Variants in ERC2 observed in about 807,000 individuals in gnomAD.
ERC2 encodes ELKS/RAB6-interacting/CAST family member 2, also known as ERC protein 2.
A neutral mutation model predicts 114.8 loss-of-function variants in ERC2; 42 were observed. The ratio of observed to expected loss-of-function variants is 0.37; its 90% CI spans 0.29 to 0.47. The LOEUF (loss-of-function observed/expected upper bound fraction) is 0.47. Ranked by LOEUF, ERC2 falls within the 20% of genes least tolerant of loss-of-function variation. The probability of loss-of-function intolerance (pLI) is 0.99; values close to 1 mark genes in which losing one functional copy is unlikely to be tolerated. For synonymous variants in ERC2, 454 were observed against 425.5 expected, an observed-to-expected ratio of 1.07 and a Z score of -0.82; for missense variants, 939 against 1,150.7, an observed-to-expected ratio of 0.82 and a Z score of 2.66.
chr3:55,852,984 C>T (rs948384665), intron 14 of ERC2, among the ~76,000 whole-genome samples: 3 of 152,184 alleles, frequency 2.0e-5, no homozygotes, highest in African/African-American at 4.8e-5. Flanking sequence ...CTGCCCTATA[C>T]ATGCCAGTAG....
intron 13 of ERC2, among the ~76,000 whole-genome samples, chr3:55,918,996 G>C (rs2065262815): frequency 6.6e-6 from 1 of 152,010 alleles, no homozygotes; most frequent in Non-Finnish European, 1.5e-5. Context: ...AAAGAGAAAT[G>C]CTCAAGAATG....
intron 1 of ERC2, among the ~76,000 whole-genome samples, chr3:56,444,818 C>T (rs2062486964): frequency 6.6e-6 from 1 of 152,228 alleles, no homozygotes; most frequent in Non-Finnish European, 1.5e-5. Context: ...TCAGTATCTC[C>T]CAAGATTTTG....
At chr3:56,150,695 T>C (rs1305859486) in intron 4 of ERC2, among the ~76,000 whole-genome samples, 1 of 152,206 alleles carries the variant, frequency 6.6e-6, no homozygotes, top group South Asian at 2.1e-4. Context: ...CCACCATTAA[T>C]GTTTTCATGT....
At chr3:56,225,718 T>C (rs957253351) in intron 3 of ERC2, among the ~76,000 whole-genome samples, 2 of 152,214 alleles carry the variant, frequency 1.3e-5, no homozygotes, top group African/African-American at 4.8e-5. Context: ...CAACAAGTGA[T>C]AAAACCAATA....
rs72870467 is a variant in ERC2 at position 55,566,221 on chromosome 3, G to T, written c.*40-54945C>A. On this transcript the variant is annotated intron_variant, in intron 17 of 17. Transcript: ENST00000288221. Reference sequence around the variant, plus strand: ...AGCAAACCCATAATGTCCTATCTGCGATTGTATAGGTACATGAAGAATTAA... The same window carrying T: ...AGCAAACCCATAATGTCCTATCTGCTATTGTATAGGTACATGAAGAATTAA... 4.1e-3 allele frequency among the ~76,000 whole-genome samples: 631 copies of T among 152,264 alleles called. 3 individuals are homozygous for T. The highest frequency in any genetic ancestry group is 0.014 in the African/African-American group (592 of 41,548).
intron 17 of ERC2, among the ~76,000 whole-genome samples, chr3:55,596,340 G>C (rs567349664): frequency 3.3e-5 from 5 of 152,184 alleles, no homozygotes; most frequent in Admixed American, 1.3e-4. Flanking sequence ...CCAGCACTTT[G>C]GGAAGCAGAG....
intron 12 of ERC2, among the ~76,000 whole-genome samples, chr3:55,967,413 G>A (rs1438523428): frequency 6.6e-6 from 1 of 151,996 alleles, no homozygotes; most frequent in Admixed American, 6.6e-5. Context: ...CTGATGATAG[G>A]GTCTCAACCT....
At chr3:56,096,499 T>C (rs1427878141) in intron 6 of ERC2, among the ~76,000 whole-genome samples, 1 of 152,100 alleles carries the variant, frequency 6.6e-6, no homozygotes, top group Non-Finnish European at 1.5e-5. Flanking sequence ...GTGGAGAGAA[T>C]GTGGTATGAA....
intron 15 of ERC2, among the ~76,000 whole-genome samples, 179 bp downstream of exon 15, chr3:55,734,592 A>G (rs1299262252): frequency 1.3e-5 from 2 of 152,200 alleles, no homozygotes; most frequent in Non-Finnish European, 2.9e-5. Context: ...CATGCACATA[A>G]ACACAGAAAA....
intron 6 of ERC2, among the ~76,000 whole-genome samples, chr3:56,087,138 C>A (rs936112733): frequency 6.6e-6 from 1 of 151,636 alleles, no homozygotes; most frequent in Non-Finnish European, 1.5e-5. Context: ...CTAGGACAAT[C>A]TTTCCATTTT....
intron 6 of ERC2, among the ~76,000 whole-genome samples, chr3:56,123,246 G>A (rs1366001354): frequency 2.0e-5 from 3 of 152,086 alleles, no homozygotes; most frequent in Non-Finnish European, 1.5e-5. Flanking sequence ...GCCTTTTAGA[G>A]GTAATTAGGT....
intron 10 of ERC2, among the ~76,000 whole-genome samples, chr3:56,004,306 C>A (rs1001089476): frequency 1.3e-5 from 2 of 151,972 alleles, no homozygotes; most frequent in East Asian, 1.9e-4. Context: ...TGGATGAATG[C>A]GCTTAATTAC....
chr3:55,602,995 CG>C (rs1321185218), intron 17 of ERC2, among the ~76,000 whole-genome samples: 3 of 152,064 alleles, frequency 2.0e-5, no homozygotes, highest in African/African-American at 7.2e-5. Context: ...AAGAGAAGAC[CG>C]AGCATCTCCT....
chr3:55,917,643 A>C (rs1291707621), intron 13 of ERC2, among the ~76,000 whole-genome samples: 1 of 152,170 alleles, frequency 6.6e-6, no homozygotes, highest in East Asian at 1.9e-4. Flanking sequence ...GGTTTGAGGA[A>C]GGGCAGGGGG....
chr3:56,423,346 G>C (rs975738921), intron 2 of ERC2, among the ~76,000 whole-genome samples: 3 of 152,212 alleles, frequency 2.0e-5, no homozygotes, highest in Non-Finnish European at 2.9e-5. Flanking sequence ...CTGGCATTCT[G>C]AGCTAGACAA....
chr3:56,447,107 C>T (rs545155038), intron 1 of ERC2, among the ~76,000 whole-genome samples: 1 of 152,340 alleles, frequency 6.6e-6, no homozygotes, highest in South Asian at 2.1e-4. Flanking sequence ...CCCATACAGG[C>T]CATGAGTGCT....
intron 6 of ERC2, among the ~76,000 whole-genome samples, chr3:56,125,761 G>T (rs376297408): frequency 1.3e-5 from 2 of 152,090 alleles, no homozygotes; most frequent in Non-Finnish European, 2.9e-5. Context: ...TCGATAAAAG[G>T]TCTGAAATCA....
chr3:55,651,040 T>G (rs1401070557), intron 17 of ERC2, among the ~76,000 whole-genome samples: 2 of 95,614 alleles, frequency 2.1e-5, no homozygotes, highest in Non-Finnish European at 4.4e-5. Flanking sequence ...TTTTTTTTTG[T>G]AGTAGACACA....
chr3:56,275,959 G>A (rs997855282), intron 3 of ERC2, among the ~76,000 whole-genome samples: 11 of 152,144 alleles, frequency 7.2e-5, no homozygotes, highest in East Asian at 3.9e-4. Context: ...CAGTGCTGGC[G>A]TGGTTGAGAA....
Sources: allele counts gnomAD v4.1 joint callset (sites outside exome capture counted in the v4.1 genomes callset), GRCh38; gene constraint gnomAD v4.1.1; transcripts MANE v1.5; gene names NCBI Gene and HGNC (gene_info 2026-07-23, HGNC 2026-07-21).